Variants in AGBL4 observed in about 807,000 individuals in gnomAD.
The protein encoded by AGBL4 is cytosolic carboxypeptidase 6.
Under a neutral mutation model 66.4 loss-of-function variants are expected in AGBL4, and 58 were observed. The observed-to-expected ratio is 0.87, with a 90% CI of 0.71 to 1.09. The LOEUF (loss-of-function observed/expected upper bound fraction) is 1.09, where lower values mean the gene tolerates loss of function less well. Among genes scored for constraint, AGBL4 ranks in the 50% least tolerant of loss-of-function variants. The pLI, the probability that AGBL4 is intolerant of heterozygous loss-of-function variation, is 0.00. For synonymous variants in AGBL4, 234 were observed against 222.9 expected, an observed-to-expected ratio of 1.05 and a Z score of -0.44; for missense variants, 579 against 631.0, an observed-to-expected ratio of 0.92 and a Z score of 0.88.
At chr1:49,338,289 G>A (rs560820784) in intron 3 of AGBL4, among the ~76,000 whole-genome samples, 21 of 152,056 alleles carry the variant, frequency 1.4e-4, no homozygotes, top group Non-Finnish European at 2.5e-4. Context: ...CATTTAACCC[G>A]GAACACATTT....
intron 4 of AGBL4, among the ~76,000 whole-genome samples, chr1:49,126,958 CATAGTAT>C (rs1298114733): frequency 6.6e-6 from 1 of 152,106 alleles, no homozygotes; most frequent in Non-Finnish European, 1.5e-5. Flanking sequence ...CAGTTTTAGC[CATAGTAT>C]ATCACATTCA....
At chr1:48,576,844 G>A (rs1031384453) in intron 11 of AGBL4, among the ~76,000 whole-genome samples, 1 of 152,204 alleles carries the variant, frequency 6.6e-6, no homozygotes, top group Non-Finnish European at 1.5e-5. Context: ...TGTGGTGGAT[G>A]TGGGAGTTGA....
intron 3 of AGBL4, among the ~76,000 whole-genome samples, chr1:49,290,536 T>C (rs760465852): frequency 6.6e-6 from 1 of 152,236 alleles, no homozygotes; most frequent in Non-Finnish European, 1.5e-5. Context: ...GCATGGTTTA[T>C]AATTGTATTA....
At chr1:49,294,789 G>A (rs1204917499) in intron 3 of AGBL4, among the ~76,000 whole-genome samples, 3 of 152,062 alleles carry the variant, frequency 2.0e-5, no homozygotes, top group Non-Finnish European at 4.4e-5. Context: ...CATTTCCTCC[G>A]AGGAGCTTTA....
intron 3 of AGBL4, among the ~76,000 whole-genome samples, chr1:49,484,743 A>G (rs1012332594): frequency 2.6e-5 from 4 of 152,018 alleles, no homozygotes; most frequent in East Asian, 1.9e-4. Flanking sequence ...GATAACAAAA[A>G]GAGTATAATG....
chr1:49,775,189 A>G (rs1644166445), intron 2 of AGBL4, among the ~76,000 whole-genome samples: 1 of 152,188 alleles, frequency 6.6e-6, no homozygotes, highest in African/African-American at 2.4e-5. Flanking sequence ...TACAGTCCCA[A>G]GTTTTAATCC....
chr1:49,264,820 T>G (rs1181735227), intron 3 of AGBL4, among the ~76,000 whole-genome samples: 5 of 152,198 alleles, frequency 3.3e-5, no homozygotes, highest in Admixed American at 3.3e-4. Flanking sequence ...GCTGGGATTA[T>G]AGGCGTGAGC....
intron 11 of AGBL4, among the ~76,000 whole-genome samples, chr1:48,566,085 G>A (rs941757998): frequency 1.3e-5 from 2 of 152,024 alleles, no homozygotes; most frequent in African/African-American, 4.8e-5. Context: ...ACCATCTCTG[G>A]CTCCCTGTTG....
At chr1:49,687,226 A>T (rs964736779) in intron 3 of AGBL4, among the ~76,000 whole-genome samples, 1 of 152,226 alleles carries the variant, frequency 6.6e-6, no homozygotes, top group African/African-American at 2.4e-5. Context: ...AACCCTGGAC[A>T]AAACCACAGT....
chr1:48,636,286 T>C (rs1397834591), intron 8 of AGBL4, among the ~76,000 whole-genome samples: 1 of 152,228 alleles, frequency 6.6e-6, no homozygotes, highest in Non-Finnish European at 1.5e-5. Context: ...TAGCCTTTGA[T>C]GTAGTTCCTG....
intron 3 of AGBL4, among the ~76,000 whole-genome samples, chr1:49,353,776 A>G (rs1379418991): frequency 6.6e-6 from 1 of 152,080 alleles, no homozygotes; most frequent in African/African-American, 2.4e-5. Context: ...AGAGAAGGAG[A>G]GAAGAGAAGG....
chr1:49,313,196 A>T lies in AGBL4; in HGVS notation c.283-67332T>A, dbSNP rs546118361. Reference sequence around the variant, plus strand: ...AGCTTCATCCATGTCCCTGCAAAGGACAAAAACTCATCCCTTTTTATGGCT... The same window carrying T: ...AGCTTCATCCATGTCCCTGCAAAGGTCAAAAACTCATCCCTTTTTATGGCT... On this transcript the variant is annotated intron_variant, in intron 3 of 13. Transcript: ENST00000371839. Among the ~76,000 whole-genome samples, 4 of 152,242 alleles carry T rather than the reference A, an allele frequency of 2.6e-5. No homozygotes were observed. In the South Asian group the frequency reaches 8.3e-4, roughly 32 times the overall value.
chr1:49,501,369 G>A (rs1462434429), intron 3 of AGBL4, among the ~76,000 whole-genome samples: 1 of 152,098 alleles, frequency 6.6e-6, no homozygotes, highest in Admixed American at 6.5e-5. Flanking sequence ...CTCACAAGGT[G>A]AGTCTCCACA....
At chr1:48,561,635 G>T (rs886697035) in intron 11 of AGBL4, among the ~76,000 whole-genome samples, 7 of 152,190 alleles carry the variant, frequency 4.6e-5, no homozygotes, top group African/African-American at 7.2e-5. Context: ...CCCTGATATG[G>T]GTGGGCCTCA....
At chr1:48,712,355 C>T (rs1199670963) in intron 6 of AGBL4, among the ~76,000 whole-genome samples, 1 of 152,196 alleles carries the variant, frequency 6.6e-6, no homozygotes. Flanking sequence ...CTTTTCTAAC[C>T]TGCTTGCCCC....
chr1:48,881,705 T>C (rs1418908290), intron 5 of AGBL4, among the ~76,000 whole-genome samples: 1 of 152,158 alleles, frequency 6.6e-6, no homozygotes. Context: ...GAATCAATAA[T>C]GTCACTTCTC....
At position 49,468,295 on chromosome 1, in the gene AGBL4, A is replaced by G. The variant is rs371113329; in HGVS notation, c.283-222431T>C. The stretch of plus-strand genomic sequence containing the variant: ...GAAATACTGAACTGGAATTCAGAAC[A>G]ACCAACTCTAGTCCTGGATTAACTG... On this transcript the variant is annotated intron_variant, in intron 3 of 13. Coordinates refer to ENST00000371839, the MANE Select transcript of AGBL4 (RefSeq NM_032785.4). Among the ~76,000 whole-genome samples, 52 of 151,952 alleles carry G rather than the reference A, an allele frequency of 3.4e-4. 1 individual carries two copies. In the South Asian group the frequency reaches 9.5e-3, roughly 28 times the overall value.
intron 5 of AGBL4, among the ~76,000 whole-genome samples, chr1:48,903,783 T>A (rs760430787): frequency 1.3e-5 from 2 of 152,076 alleles, no homozygotes; most frequent in Non-Finnish European, 1.5e-5. Flanking sequence ...ACCAAACAAG[T>A]TGTTCCCACC....
At chr1:49,943,954 T>C (rs888373682) in intron 1 of AGBL4, among the ~76,000 whole-genome samples, 2 of 152,010 alleles carry the variant, frequency 1.3e-5, no homozygotes, top group African/African-American at 4.8e-5. Flanking sequence ...GAGGGCATTG[T>C]GGGAGTAAGA....
Sources: allele counts gnomAD v4.1 joint callset (sites outside exome capture counted in the v4.1 genomes callset), GRCh38; gene constraint gnomAD v4.1.1; transcripts MANE v1.5; gene names NCBI Gene and HGNC (gene_info 2026-07-23, HGNC 2026-07-21).